The following ENOX2 variants were observed in gnomAD, a reference collection of about 807,000 sequenced individuals.
The protein encoded by ENOX2 is ecto-NOX disulfide-thiol exchanger 2.
ENOX2 carries 36 observed loss-of-function variants against 45.0 expected under a neutral mutation model. That is an observed-to-expected ratio of 0.80 (90% CI 0.61 to 1.06). ENOX2 has a LOEUF of 1.06. Among genes scored for constraint, ENOX2 ranks in the 50% least tolerant of loss-of-function variants. The pLI is 0.00. For synonymous variants in ENOX2, 174 were observed against 152.3 expected (o/e 1.14, Z -1.05); for missense variants, 423 against 462.5 (o/e 0.91, Z 0.78).
At chrX:130,680,305 A>T (rs990040935) in intron 5 of ENOX2, among the ~76,000 whole-genome samples, 2 of 111,914 alleles carry the variant, frequency 1.8e-5, no homozygotes, top group Non-Finnish European at 3.8e-5. Context: ...TCAGAGTACA[A>T]ACCATCCCTT....
At chrX:130,709,294 T>C in intron 3 of ENOX2, 1 of 1,201,555 alleles carries the variant, frequency 8.3e-7, no homozygotes, top group East Asian at 3.0e-5. Flanking sequence ...CTTTGCATTG[T>C]GTGGTCCTCA....
At chrX:130,791,960 A>C (rs2077050645) in intron 2 of ENOX2, among the ~76,000 whole-genome samples, 1 of 112,318 alleles carries the variant, frequency 8.9e-6, no homozygotes, top group Non-Finnish European at 1.9e-5. Flanking sequence ...CCCATTTACA[A>C]ACTACAGTTA....
intron 2 of ENOX2, among the ~76,000 whole-genome samples, chrX:130,881,199 A>G (rs949929392): frequency 3.6e-5 from 4 of 112,544 alleles, no homozygotes; most frequent in African/African-American, 1.3e-4. Context: ...GCTAGTGGAT[A>G]CTGTGTTAGA....
At position 130,645,381 on chromosome X, in the gene ENOX2, A is replaced by G. The variant is rs150166020; in HGVS notation, c.1130-7971T>C. Among the ~76,000 whole-genome samples the G allele has an allele frequency of 6.5e-4, 73 of 112,037 alleles. No individual in the cohort carries two copies. The East Asian group carries it at 0.015, about 22-fold the overall frequency. ...ACCAAATAATTATGGTGGGTTTTCC[A>G]TAGGTATTAAAGAGGTCAATAACAC... On this transcript the variant is annotated intron_variant, in intron 10 of 14. Transcript: ENST00000394363.
intron 2 of ENOX2, among the ~76,000 whole-genome samples, chrX:130,879,877 A>C (rs1225849728): frequency 1.8e-5 from 2 of 111,884 alleles, no homozygotes; most frequent in African/African-American, 6.5e-5. Context: ...GTCTGGGGGA[A>C]GGGAGAGGCA....
rs2036827659 is a variant in ENOX2, at chrX:130,666,154, C to T, written c.908-405G>A. On this transcript the variant is annotated intron_variant, in intron 8 of 14. Transcript: ENST00000394363. ...AGAAAATGGCAAACTGTACCAGAAACTCTCTACCCCTGGCTCCTTTCATAG... is the reference window on the plus strand; with the variant it reads ...AGAAAATGGCAAACTGTACCAGAAATTCTCTACCCCTGGCTCCTTTCATAG... Among the ~76,000 whole-genome samples, 3 of 111,701 alleles carry T rather than the reference C, an allele frequency of 2.7e-5. No homozygotes were observed. In the Admixed American group the frequency reaches 2.8e-4, roughly 11 times the overall value.
chrX:130,634,488 T>C (rs947225338), intron 12 of ENOX2, among the ~76,000 whole-genome samples: 1 of 111,880 alleles, frequency 8.9e-6, no homozygotes, highest in Non-Finnish European at 1.9e-5. Flanking sequence ...TCATTTTTTT[T>C]CCCCAAGGTT....
In ENOX2 at chrX:130,853,252, C is replaced by T. The variant is rs796424443; in HGVS notation, c.-183+48432G>A. 3.0e-4 allele frequency among the ~76,000 whole-genome samples: 33 copies of T among 108,710 alleles called. No homozygotes were observed. The East Asian group carries it at 7.0e-3, about 23-fold the overall frequency. The allele number at this position is 108,710 out of a possible 115,157, so 94.4% of individuals were successfully genotyped here. On this transcript the variant is annotated intron_variant, in intron 2 of 14. Coordinates refer to ENST00000394363, the MANE Select transcript of ENOX2 (RefSeq NM_006375.4). Reference sequence around the variant, plus strand: ...CAGCACTTTGGGAGGCCGAGGCGGGCGGATCACGAGGTCAGGAGATGAGAC... The same window carrying T: ...CAGCACTTTGGGAGGCCGAGGCGGGTGGATCACGAGGTCAGGAGATGAGAC...
chrX:130,689,181 T>C (rs1816643114), intron 4 of ENOX2, among the ~76,000 whole-genome samples, 163 bp from the exon 5 acceptor site: 1 of 112,112 alleles, frequency 8.9e-6, no homozygotes, highest in Non-Finnish European at 1.9e-5. Flanking sequence ...TATCTTATAG[T>C]TGTGCATTTT....
chrX:130,721,231 C>G (rs1464599576), intron 3 of ENOX2, among the ~76,000 whole-genome samples: 1 of 111,627 alleles, frequency 9.0e-6, no homozygotes, highest in African/African-American at 3.3e-5. Context: ...AACTAGAGGG[C>G]AACTGATTTA....
chrX:130,763,967 C>T (rs1030917947), intron 3 of ENOX2, among the ~76,000 whole-genome samples: 6 of 110,734 alleles, frequency 5.4e-5, no homozygotes, highest in African/African-American at 9.9e-5. Flanking sequence ...GGCTAAAGAG[C>T]GTACGCTTTT....
chrX:130,827,059 A>G (rs2077732809), intron 2 of ENOX2, among the ~76,000 whole-genome samples: 1 of 112,322 alleles, frequency 8.9e-6, no homozygotes, highest in Non-Finnish European at 1.9e-5. Flanking sequence ...ACTCAGAACC[A>G]TAAGAAGGTT....
chrX:130,640,300 G>C (rs1214896770), intron 10 of ENOX2, among the ~76,000 whole-genome samples: 1 of 112,396 alleles, frequency 8.9e-6, no homozygotes, highest in Non-Finnish European at 1.9e-5. Context: ...GGAGAAAAAG[G>C]AACGCTTTTA....
intron 4 of ENOX2, among the ~76,000 whole-genome samples, chrX:130,692,578 CTGTTTT>C (rs1569487816): frequency 9.4e-6 from 1 of 106,383 alleles, no homozygotes; most frequent in African/African-American, 3.5e-5. Context: ...TTATCTCTCT[CTGTTTT>C]TTTTTTTTTT....
intron 2 of ENOX2, among the ~76,000 whole-genome samples, chrX:130,899,995 C>T (rs1016294043): frequency 3.6e-5 from 4 of 112,148 alleles, no homozygotes; most frequent in African/African-American, 9.7e-5. Context: ...GCTCCGCTCA[C>T]GTCACTACTC....
At chrX:130,800,359 C>T (rs2077198395) in intron 2 of ENOX2, among the ~76,000 whole-genome samples, 1 of 101,591 alleles carries the variant, frequency 9.8e-6, no homozygotes, top group Non-Finnish European at 2.0e-5. Flanking sequence ...AAAAAAAAAA[C>T]TAATCAGCGT....
At chrX:130,851,076 G>A (rs900200923) in intron 2 of ENOX2, among the ~76,000 whole-genome samples, 25 of 112,292 alleles carry the variant, frequency 2.2e-4, no homozygotes, top group Admixed American at 5.6e-4. Context: ...TTTCTGGAAA[G>A]GGCCAGGTGG....
rs2035717387 is a variant in ENOX2 at position 130,631,506 on chromosome X, C to T, written c.1490G>A (p.Ser497Asn). The T allele has an allele frequency of 8.3e-7, 1 of 1,203,677 alleles. No individual in the cohort carries two copies. Among genetic ancestry groups the T allele is most frequent in the East Asian group, 3.0e-5 (1 of 33,810 alleles). The change falls in exon 13 of 15, where the codon AGC (serine) becomes AAC (asparagine). Residue 497 changes from serine to asparagine, a missense_variant. This residue lies in a region of ENOX2 where 108 missense variants were observed against 70.6 expected (regional missense o/e 1.53). Transcript: ENST00000394363. ...TTCACGTTCAGATTTGATAGGACTG[C>T]TGTTCATGGTCTTCTCAAGAGGGTA... ...SEYPLEKTMN[S>N]SPIKSEREAL...
At chrX:130,880,366 G>A (rs1305729391) in intron 2 of ENOX2, among the ~76,000 whole-genome samples, 1 of 110,984 alleles carries the variant, frequency 9.0e-6, no homozygotes, top group African/African-American at 3.3e-5. Flanking sequence ...CAGTACTTTA[G>A]AAATTTGACA....
Sources: allele counts gnomAD v4.1 joint callset (sites outside exome capture counted in the v4.1 genomes callset), GRCh38; gene constraint gnomAD v4.1.1; regional missense constraint gnomAD v4.1.1; transcripts MANE v1.5; gene names NCBI Gene and HGNC (gene_info 2026-07-23, HGNC 2026-07-21).